KCNIP1: variants seen among roughly 807,000 people sequenced by gnomAD.
The protein encoded by KCNIP1 is potassium voltage-gated channel interacting protein 1, also known as A-type potassium channel modulatory protein KCNIP1.
KCNIP1 carries 18 observed loss-of-function variants against 33.0 expected under a neutral mutation model. The observed-to-expected ratio is 0.55, with a 90% CI of 0.38 to 0.81. KCNIP1 has a LOEUF of 0.81. KCNIP1 is among the 30% of genes least tolerant of loss of function. The pLI is 0.00. For synonymous variants in KCNIP1, 93 were observed against 98.3 expected, an observed-to-expected ratio of 0.95 and a Z score of 0.32; for missense variants, 238 against 271.6, an observed-to-expected ratio of 0.88 and a Z score of 0.87.
chr5:170,671,625 C>T (rs569399675), intron 1 of KCNIP1, among the ~76,000 whole-genome samples: 3 of 152,088 alleles, frequency 2.0e-5, no homozygotes, highest in Non-Finnish European at 4.4e-5. Flanking sequence ...TGTCTGTCTC[C>T]CCCAGTATGC....
chr5:170,355,237 C>T (rs1170250820), intron 1 of KCNIP1, among the ~76,000 whole-genome samples: 4 of 152,094 alleles, frequency 2.6e-5, no homozygotes, highest in African/African-American at 9.7e-5. Context: ...GGCCAGGCTG[C>T]CTGGCAGAAT....
At chr5:170,697,899 G>T (rs1037138963) in intron 1 of KCNIP1, among the ~76,000 whole-genome samples, 4 of 152,088 alleles carry the variant, frequency 2.6e-5, no homozygotes, top group Non-Finnish European at 2.9e-5. Flanking sequence ...ATATTAAATT[G>T]TGTGACTGGA....
At chr5:170,402,034 G>A (rs1388280140) in intron 1 of KCNIP1, among the ~76,000 whole-genome samples, 1 of 152,166 alleles carries the variant, frequency 6.6e-6, no homozygotes, top group Non-Finnish European at 1.5e-5. Flanking sequence ...GTAGTGGCAG[G>A]CACTCCTTGG....
chr5:170,419,700 A>C (rs531193529), intron 1 of KCNIP1, among the ~76,000 whole-genome samples: 1 of 152,340 alleles, frequency 6.6e-6, no homozygotes, highest in African/African-American at 2.4e-5. Flanking sequence ...CATTGCTTTA[A>C]CTGACAAAAT....
chr5:170,722,890 C>T, intron 5 of KCNIP1, 70 bp downstream of exon 5: 4 of 946,108 alleles, frequency 4.2e-6, no homozygotes, highest in Non-Finnish European at 6.8e-6. Context: ...AAAACAGCCC[C>T]AGGCATGAGG....
intron 1 of KCNIP1, among the ~76,000 whole-genome samples, chr5:170,400,906 A>G (rs1188697832): frequency 6.6e-6 from 1 of 152,248 alleles, no homozygotes; most frequent in Non-Finnish European, 1.5e-5. Flanking sequence ...TGAACAGTGT[A>G]AGTGGAGAAC....
chr5:170,387,050 A>T (rs1393152275), intron 1 of KCNIP1, among the ~76,000 whole-genome samples: 1 of 152,006 alleles, frequency 6.6e-6, no homozygotes, highest in Non-Finnish European at 1.5e-5. Flanking sequence ...GTGATTTCCC[A>T]TGGTTCCGCA....
chr5:170,511,227 A>G (rs567722489), intron 1 of KCNIP1, among the ~76,000 whole-genome samples: 1 of 152,328 alleles, frequency 6.6e-6, no homozygotes, highest in South Asian at 2.1e-4. Flanking sequence ...TAAAAATTAA[A>G]AAATGGGGAC....
At chr5:170,536,792 G>A (rs965700300) in intron 1 of KCNIP1, among the ~76,000 whole-genome samples, 2 of 152,198 alleles carry the variant, frequency 1.3e-5, no homozygotes, top group Non-Finnish European at 2.9e-5. Flanking sequence ...TCTGTCTAGA[G>A]CAGAGGACAG....
At chr5:170,467,535 G>C (rs569895250) in intron 1 of KCNIP1, among the ~76,000 whole-genome samples, 1 of 152,266 alleles carries the variant, frequency 6.6e-6, no homozygotes, top group Admixed American at 6.5e-5. Flanking sequence ...GGAGCAGAGG[G>C]AGGCCCCATC....
chr5:170,591,041 C>T (rs1561704648), intron 1 of KCNIP1, among the ~76,000 whole-genome samples: 1 of 152,254 alleles, frequency 6.6e-6, no homozygotes, highest in African/African-American at 2.4e-5. Flanking sequence ...AACAAGGACA[C>T]TGTGCACCTT....
At chr5:170,633,046 T>G (rs1184294935) in intron 1 of KCNIP1, among the ~76,000 whole-genome samples, 1 of 152,124 alleles carries the variant, frequency 6.6e-6, no homozygotes, top group East Asian at 1.9e-4. Flanking sequence ...AACATCCGCT[T>G]TGGTGGTCAG....
At chr5:170,581,787 A>G (rs771383618) in intron 1 of KCNIP1, among the ~76,000 whole-genome samples, 1 of 152,202 alleles carries the variant, frequency 6.6e-6, no homozygotes, top group Non-Finnish European at 1.5e-5. Context: ...AGGCTGAGTA[A>G]TTTGTAAAGA....
intron 1 of KCNIP1, among the ~76,000 whole-genome samples, chr5:170,374,209 T>C (rs964044630): frequency 6.6e-6 from 1 of 152,186 alleles, no homozygotes; most frequent in Non-Finnish European, 1.5e-5. Context: ...GAAAATAAGA[T>C]TATATTAATA....
At chr5:170,725,420 C>T (rs958923843) in intron 5 of KCNIP1, among the ~76,000 whole-genome samples, 1 of 152,062 alleles carries the variant, frequency 6.6e-6, no homozygotes, top group Non-Finnish European at 1.5e-5. Context: ...GAACCAGGCA[C>T]AGAAAGACAA....
At chr5:170,616,414 T>C (rs189763025) in intron 1 of KCNIP1, among the ~76,000 whole-genome samples, 17 of 152,300 alleles carry the variant, frequency 1.1e-4, no homozygotes, top group Admixed American at 5.2e-4. Context: ...AGGTGGATAA[T>C]GACTGTCTCG....
intron 1 of KCNIP1, among the ~76,000 whole-genome samples, chr5:170,572,500 T>C (rs908437760): frequency 2.0e-5 from 3 of 152,154 alleles, no homozygotes; most frequent in African/African-American, 7.2e-5. Flanking sequence ...GAAAAATATT[T>C]ATAACCTGAC....
intron 1 of KCNIP1, among the ~76,000 whole-genome samples, chr5:170,573,531 A>G (rs1194263598): frequency 6.6e-6 from 1 of 152,194 alleles, no homozygotes; most frequent in East Asian, 1.9e-4. Context: ...ATCACCTTAT[A>G]ACCATCTATG....
At chr5:170,497,538 C>G (rs766677261) in intron 1 of KCNIP1, among the ~76,000 whole-genome samples, 1 of 152,158 alleles carries the variant, frequency 6.6e-6, no homozygotes, top group Non-Finnish European at 1.5e-5. Flanking sequence ...CATGGTAACT[C>G]TGGGGGAAAA....
Sources: allele counts gnomAD v4.1 joint callset (sites outside exome capture counted in the v4.1 genomes callset), GRCh38; gene constraint gnomAD v4.1.1; transcripts MANE v1.5; gene names NCBI Gene and HGNC (gene_info 2026-07-23, HGNC 2026-07-21).